Variants in NLGN1 observed in about 807,000 individuals in gnomAD.
NLGN1 encodes neuroligin-1.
In NLGN1, 12 loss-of-function variants were observed where a neutral mutation model predicts 65.5. The ratio of observed to expected loss-of-function variants is 0.18; its 90% CI spans 0.12 to 0.30. The LOEUF (loss-of-function observed/expected upper bound fraction) is 0.30, where lower values mean the gene tolerates loss of function less well. NLGN1 is among the 10% of genes least tolerant of loss of function. NLGN1 has a pLI of 1.00. For missense variants in NLGN1, 750 were observed against 1,007.1 expected, an observed-to-expected ratio of 0.74 and a Z score of 3.46; for synonymous variants, 350 against 359.5, an observed-to-expected ratio of 0.97 and a Z score of 0.30.
chr3:174,005,656 T>C (rs1724213417), intron 4 of NLGN1, among the ~76,000 whole-genome samples: 1 of 152,034 alleles, frequency 6.6e-6, no homozygotes, highest in Non-Finnish European at 1.5e-5. Flanking sequence ...ACTGTGTTCA[T>C]GCATGCAGTT....
intron 4 of NLGN1, among the ~76,000 whole-genome samples, chr3:173,838,163 G>T (rs1724027145): frequency 6.6e-6 from 1 of 151,200 alleles, no homozygotes. Context: ...TTTGTTTAGT[G>T]TAAACACTAA....
chr3:173,613,224 A>G (rs1030901798), intron 3 of NLGN1, among the ~76,000 whole-genome samples: 1 of 152,086 alleles, frequency 6.6e-6, no homozygotes, highest in African/African-American at 2.4e-5. Flanking sequence ...AAATGTTTCT[A>G]TCATTATGTC....
chr3:173,987,021 G>A (rs1176166966), intron 4 of NLGN1, among the ~76,000 whole-genome samples: 1 of 152,140 alleles, frequency 6.6e-6, no homozygotes, highest in Non-Finnish European at 1.5e-5. Context: ...AAAGATAAAA[G>A]GCAATGAAAT....
At chr3:173,906,140 A>G (rs551532306) in intron 4 of NLGN1, among the ~76,000 whole-genome samples, 11 of 152,312 alleles carry the variant, frequency 7.2e-5, no homozygotes, top group African/African-American at 1.9e-4. Flanking sequence ...AACTGTAGAG[A>G]GTTTAAGTAT....
intron 4 of NLGN1, among the ~76,000 whole-genome samples, chr3:173,871,770 G>T (rs929316289): frequency 6.6e-6 from 1 of 152,104 alleles, no homozygotes; most frequent in Non-Finnish European, 1.5e-5. Context: ...CAGTAGAATG[G>T]TCTAGACAGA....
At chr3:173,919,128 C>G (rs369412848) in intron 4 of NLGN1, among the ~76,000 whole-genome samples, 1 of 152,042 alleles carries the variant, frequency 6.6e-6, no homozygotes, top group Non-Finnish European at 1.5e-5. Flanking sequence ...CCAGGATAAT[C>G]TCTATATCTC....
chr3:174,158,044 G>A (rs756738887), intron 4 of NLGN1, among the ~76,000 whole-genome samples: 6 of 151,702 alleles, frequency 4.0e-5, no homozygotes, highest in Non-Finnish European at 5.9e-5. Context: ...CTGGAGGGTC[G>A]TAAGTAGAAG....
At chr3:173,485,486 T>C (rs1300290680) in intron 2 of NLGN1, among the ~76,000 whole-genome samples, 1 of 152,220 alleles carries the variant, frequency 6.6e-6, no homozygotes, top group African/African-American at 2.4e-5. Context: ...AAAATTATGC[T>C]AGAATTTTGT....
intron 4 of NLGN1, among the ~76,000 whole-genome samples, chr3:173,940,621 G>T (rs1745916080): frequency 6.6e-6 from 1 of 152,134 alleles, no homozygotes; most frequent in Non-Finnish European, 1.5e-5. Context: ...AAACAAGAAT[G>T]AAGGAGTCTG....
chr3:173,550,546 A>G (rs1352846805), intron 2 of NLGN1, among the ~76,000 whole-genome samples: 1 of 152,122 alleles, frequency 6.6e-6, no homozygotes, highest in African/African-American at 2.4e-5. Flanking sequence ...CCATTTGATA[A>G]TAAGTATATT....
intron 2 of NLGN1, among the ~76,000 whole-genome samples, chr3:173,475,306 ATT>A (rs1320430336): frequency 8.3e-6 from 1 of 120,594 alleles, no homozygotes; most frequent in African/African-American, 2.5e-5. Flanking sequence ...TAAATGAATC[ATT>A]CTTTTGTTTT....
At chr3:173,501,798 G>T (rs1731175282) in intron 2 of NLGN1, among the ~76,000 whole-genome samples, 1 of 151,822 alleles carries the variant, frequency 6.6e-6, no homozygotes, top group Admixed American at 6.6e-5. Context: ...ATAGATAGAA[G>T]ATTTTTATCA....
chr3:173,942,444 G>A (rs949819990), intron 4 of NLGN1, among the ~76,000 whole-genome samples: 6 of 152,058 alleles, frequency 3.9e-5, no homozygotes, highest in Admixed American at 2.0e-4. Flanking sequence ...GGATGAAAAC[G>A]AGGTACCTCA....
chr3:173,529,161 A>G (rs768727335), intron 2 of NLGN1, among the ~76,000 whole-genome samples: 1 of 152,064 alleles, frequency 6.6e-6, no homozygotes, highest in Non-Finnish European at 1.5e-5. Context: ...GTGACTGTAC[A>G]GTATGTTAGG....
chr3:174,270,849 T>TTTTA (rs1749265194), intron 4 of NLGN1, among the ~76,000 whole-genome samples: 1 of 151,810 alleles, frequency 6.6e-6, no homozygotes, highest in African/African-American at 2.4e-5. Context: ...GAATTCAAGG[T>TTTTA]TTTATTTCCA....
At chr3:173,586,424 T>C (rs1486839691) in intron 2 of NLGN1, among the ~76,000 whole-genome samples, 1 of 152,164 alleles carries the variant, frequency 6.6e-6, no homozygotes, top group Non-Finnish European at 1.5e-5. Context: ...TCCAGATACA[T>C]GCGACGTTCT....
chr3:173,529,979 A>G (rs1169191348), intron 2 of NLGN1, among the ~76,000 whole-genome samples: 4 of 137,372 alleles, frequency 2.9e-5, no homozygotes, highest in African/African-American at 1.4e-4. Flanking sequence ...TTTTTTTTAG[A>G]TAGAGTCTTA....
chr3:173,664,452 T>G (rs1357274966), intron 3 of NLGN1, among the ~76,000 whole-genome samples: 1 of 152,154 alleles, frequency 6.6e-6, no homozygotes, highest in Middle Eastern at 3.2e-3. Flanking sequence ...AAGATACTTC[T>G]AGAATAAATA....
At chr3:173,645,308 T>C (rs1758070581) in intron 3 of NLGN1, among the ~76,000 whole-genome samples, 4 of 152,294 alleles carry the variant, frequency 2.6e-5, no homozygotes, top group Admixed American at 2.6e-4. Context: ...CATGCATAGC[T>C]CCCTTGGCCT....
Sources: gnomAD v4.1 joint callset for allele counts (sites outside exome capture counted in the v4.1 genomes callset) on GRCh38, gnomAD v4.1.1 for gene constraint, MANE v1.5 for transcripts, NCBI Gene and HGNC (gene_info 2026-07-23, HGNC 2026-07-21) for gene names.